The following OXCT1 variants were observed in gnomAD, a reference collection of about 807,000 sequenced individuals.
OXCT1 encodes succinyl-CoA:3-ketoacid coenzyme A transferase 1, mitochondrial.
Under a neutral mutation model 69.6 loss-of-function variants are expected in OXCT1, and 27 were observed. The observed-to-expected ratio is 0.39, with a 90% CI of 0.29 to 0.54. The LOEUF is 0.54. OXCT1 is among the 20% of genes least tolerant of loss of function. The pLI is 0.72. For synonymous variants in OXCT1, 202 were observed against 217.8 expected (o/e 0.93, Z 0.64); for missense variants, 437 against 650.2 (o/e 0.67, Z 3.57).
At chr5:41,817,115 A>C (rs1459667521) in intron 7 of OXCT1, among the ~76,000 whole-genome samples, 1 of 152,196 alleles carries the variant, frequency 6.6e-6, no homozygotes, top group East Asian at 1.9e-4. Context: ...TATGATGATT[A>C]AAAGAAGAGT....
chr5:41,774,498 G>T (rs1745030585), intron 13 of OXCT1, among the ~76,000 whole-genome samples: 1 of 152,142 alleles, frequency 6.6e-6, no homozygotes, highest in East Asian at 1.9e-4. Flanking sequence ...AGAAAGTAAG[G>T]AAGTGCTCAA....
chr5:41,812,293 A>G (rs187310310), intron 7 of OXCT1, among the ~76,000 whole-genome samples: 1 of 152,222 alleles, frequency 6.6e-6, no homozygotes, highest in Admixed American at 6.6e-5. Flanking sequence ...GTAAGTTCAG[A>G]GAAAAGAGAA....
intron 7 of OXCT1, 119 bp downstream of exon 7, chr5:41,840,332 C>CAA (rs11394511): frequency 6.9e-5 from 45 of 653,488 alleles, no homozygotes; most frequent in African/African-American, 1.3e-4. Context: ...ATTTCCAAAA[C>CAA]AAAAAAAAAA....
Position 41,843,566 on chromosome 5 carries a change from C to T in OXCT1, c.565-785G>A, listed in dbSNP as rs778514586. ...TTGGAGGGAAGAACATAAAGCAAAA[C>T]TGTCTTGCCATCATGTTCTTTTATT... On this transcript the variant is annotated intron_variant, in intron 5 of 16. Transcript: ENST00000196371. 6.4e-5 allele frequency: 29 copies of T among 455,988 alleles called. No individual in the cohort carries two copies. In the Admixed American group the frequency reaches 6.6e-4, roughly 10 times the overall value. The allele number at this position is 455,988 out of a possible 1,614,324, so 28.2% of individuals were successfully genotyped here.
In OXCT1 at chr5:41,730,718, A is replaced by G. The variant is rs1042451031; in HGVS notation, c.*1011T>C. On this transcript the variant is annotated 3_prime_UTR_variant, in exon 17 of 17. Transcript: ENST00000196371. ...CACTAAAAGTTCACTGACTCTTCAA[A>G]TCCTAGACTTGTCCAACATTATTTT... is the stretch of plus-strand genomic sequence containing the variant. 6.6e-6 allele frequency: 1 copy of G among 152,194 alleles called. No individual in the cohort carries two copies. The highest frequency in any genetic ancestry group is 1.9e-4 in the East Asian group (1 of 5,196). The allele number at this position is 152,194 out of a possible 1,614,324, so 9.4% of individuals were successfully genotyped here.
chr5:41,792,803 GTAATCAATCTT>G (rs530874446), intron 13 of OXCT1, among the ~76,000 whole-genome samples: 80 of 152,268 alleles, frequency 5.3e-4, no homozygotes, highest in African/African-American at 1.8e-3. Context: ...GAAGTGAGTT[GTAATCAATCTT>G]TAATATGCTG....
At chr5:41,773,563 C>T (rs769125458) in intron 13 of OXCT1, among the ~76,000 whole-genome samples, 4 of 152,004 alleles carry the variant, frequency 2.6e-5, no homozygotes, top group East Asian at 1.9e-4. Flanking sequence ...CACCAACCAA[C>T]GCACTCCAGC....
intron 14 of OXCT1, among the ~76,000 whole-genome samples, chr5:41,750,278 T>C (rs1183605106): frequency 6.6e-6 from 1 of 151,948 alleles, no homozygotes; most frequent in African/African-American, 2.4e-5. Flanking sequence ...TTTCCTATTG[T>C]GGCAGAGGAA....
intron 7 of OXCT1, among the ~76,000 whole-genome samples, chr5:41,839,293 G>A (rs114379369): frequency 0.01 from 1,550 of 152,286 alleles, 11 homozygotes; most frequent in Non-Finnish European, 0.016. Context: ...CTGTACTCTG[G>A]AAAGAAATAC....
intron 13 of OXCT1, among the ~76,000 whole-genome samples, chr5:41,778,098 T>C (rs1167163831): frequency 6.6e-6 from 1 of 152,238 alleles, no homozygotes; most frequent in East Asian, 1.9e-4. Flanking sequence ...ATGCAGAAGC[T>C]ATTTACTTTA....
chr5:41,849,370 C>T (rs543940265), intron 5 of OXCT1, among the ~76,000 whole-genome samples: 1 of 152,152 alleles, frequency 6.6e-6, no homozygotes, highest in Non-Finnish European at 1.5e-5. Context: ...CTAAAAAATA[C>T]CGTAATGAAA....
intron 13 of OXCT1, among the ~76,000 whole-genome samples, chr5:41,765,476 C>G (rs1230591074): frequency 1.3e-5 from 2 of 152,102 alleles, no homozygotes; most frequent in Admixed American, 6.6e-5. Flanking sequence ...GCACAGGGTG[C>G]TAAGCCACTC....
intron 5 of OXCT1, among the ~76,000 whole-genome samples, chr5:41,849,181 C>A (rs569113084): frequency 2.8e-4 from 43 of 152,242 alleles, no homozygotes; most frequent in African/African-American, 9.6e-4. Context: ...ATTCAGTGAC[C>A]TCCAATCTTC....
chr5:41,820,535 T>A (rs897804382), intron 7 of OXCT1, among the ~76,000 whole-genome samples: 1 of 152,180 alleles, frequency 6.6e-6, no homozygotes, highest in East Asian at 1.9e-4. Flanking sequence ...ACTTAAAATA[T>A]CTTTCGTTAG....
chr5:41,749,818 A>G lies in OXCT1; in HGVS notation c.1339-211T>C, dbSNP rs113334105. ...TAGAGAATGCCAGATGAATGGCCAA[A>G]GGCAGAAATGATTTAATTGGGAAAC... On this transcript the variant is annotated intron_variant, in intron 14 of 16. Transcript: ENST00000196371. Among the ~76,000 whole-genome samples, 407 of 152,204 alleles carry G rather than the reference A, an allele frequency of 2.7e-3. 1 individual carries two copies. Among genetic ancestry groups the G allele is most frequent in the African/African-American group, 9.3e-3 (386 of 41,542 alleles).
chr5:41,830,988 A>G (rs1748070009), intron 7 of OXCT1, among the ~76,000 whole-genome samples: 4 of 152,214 alleles, frequency 2.6e-5, no homozygotes, highest in Admixed American at 2.6e-4. Flanking sequence ...TCACCTGGTT[A>G]AAATCTACTG....
At chr5:41,746,996 A>G (rs1561358907) in intron 15 of OXCT1, among the ~76,000 whole-genome samples, 1 of 152,124 alleles carries the variant, frequency 6.6e-6, no homozygotes. Context: ...GCCTAGGTCT[A>G]TGAATCCTCT....
chr5:41,805,786 G>A (rs1342084207), intron 8 of OXCT1, 105 bp from the exon 9 acceptor site: 1 of 762,436 alleles, frequency 1.3e-6, no homozygotes, highest in East Asian at 2.6e-5. Context: ...CTCTCCCATT[G>A]TTATGAGACA....
At position 41,746,288 on chromosome 5, in the gene OXCT1, C is replaced by T. The variant is rs185511631; in HGVS notation, c.1419+3239G>A. On this transcript the variant is annotated intron_variant, in intron 15 of 16. Transcript: ENST00000196371. The stretch of plus-strand genomic sequence containing the variant: ...ATGTAATCCAGCATATAAACAGAAC[C>T]AAGGAACGCATCTTTCATTACCTCA... Among the ~76,000 whole-genome samples, 158 of 152,132 alleles carry T rather than the reference C, an allele frequency of 1.0e-3. 1 individual carries two copies. Among genetic ancestry groups the T allele is most frequent in the Non-Finnish European group, 1.9e-3 (128 of 67,986 alleles).
Sources: allele counts gnomAD v4.1 joint callset (sites outside exome capture counted in the v4.1 genomes callset), GRCh38; gene constraint gnomAD v4.1.1; transcripts MANE v1.5; gene names NCBI Gene and HGNC (gene_info 2026-07-23, HGNC 2026-07-21).